HSPG2: variants seen among roughly 807,000 people sequenced by gnomAD.
HSPG2 encodes the protein heparan sulfate proteoglycan 2.
A neutral mutation model predicts 526.6 loss-of-function variants in HSPG2; 278 were observed. The ratio of observed to expected loss-of-function variants is 0.53; its 90% CI spans 0.48 to 0.58. The LOEUF is 0.58. Ranked by LOEUF, HSPG2 falls within the 20% of genes least tolerant of loss-of-function variation. The pLI, the probability that HSPG2 is intolerant of heterozygous loss-of-function variation, is 0.00. For missense variants in HSPG2, 5,354 were observed against 6,099.5 expected, an observed-to-expected ratio of 0.88 and a Z score of 4.07; for synonymous variants, 2,465 against 2,555.4, an observed-to-expected ratio of 0.96 and a Z score of 1.07.
Position 21,895,942 on chromosome 1 carries a change from C to T in HSPG2, c.224G>A (p.Gly75Asp). The T allele has an allele frequency of 6.2e-7, 1 of 1,614,056 alleles. No homozygotes were observed. The highest frequency in any genetic ancestry group is 8.5e-7 in the Non-Finnish European group (1 of 1,179,936). Residue 75 changes from glycine (G) to aspartate (D), a missense_variant, in exon 3 of 97, where the codon GGC (glycine) becomes GAC (aspartate). By Grantham distance (94) the Gly-to-Asp change is moderately conservative (BLOSUM62 -1). Coordinates refer to ENST00000374695, the MANE Select transcript of HSPG2 (RefSeq NM_005529.7). This position sits in a 1 kb window ranked among gnomAD's most constrained non-coding sequence, Gnocchi z 4.1. The stretch of plus-strand genomic sequence containing the variant: ...CTTACCCATCTGGAAGTCCCCGCTG[C>T]CCAGGTCCCCACTGCCCAGGTCGTC... ...SGDDLGSGDLGSGDFQMVYFR... is the reference protein window; with the variant it reads ...SGDDLGSGDLDSGDFQMVYFR...
chr1:21,823,478 A>G lies in HSPG2; in HGVS notation c.13014T>C (p.Pro4338=). 1 of 1,600,562 alleles carries G rather than the reference A, an allele frequency of 6.2e-7. No individual in the cohort carries two copies. The highest frequency in any genetic ancestry group is 8.5e-7 in the Non-Finnish European group (1 of 1,177,492). ...TGCCCCCGGTCAGCGTGGCCACGTC[A>G]GGGGCTCCGCCTGCCGGGAGGTGAG... ...AKGSVYIGGA[P]DVATLTGGRF... The change falls in exon 97 of 97, where the codon CCT becomes CCC. Residue 4338 remains proline (P), a synonymous_variant. Coordinates refer to ENST00000374695, the MANE Select transcript of HSPG2 (RefSeq NM_005529.7).
Position 21,891,165 on chromosome 1 carries a change from C to A in HSPG2, c.245-471G>T, listed in dbSNP as rs188981261. ...CTGGGGTAGAGACCGCTCCCCTGGG[C>A]TCCCACAGTGCCCTGCTTTCCCTAG... On this transcript the variant is annotated intron_variant, in intron 3 of 96. Transcript: ENST00000374695. Among the ~76,000 whole-genome samples the A allele has an allele frequency of 2.7e-3, 412 of 152,338 alleles. 2 individuals are homozygous for A. Among genetic ancestry groups the A allele is most frequent in the African/African-American group, 9.3e-3 (388 of 41,566 alleles).
rs371867407 is a variant in HSPG2 at position 21,895,819 on chromosome 1, T to C, written c.244+103A>G. On this transcript the variant is annotated intron_variant, in intron 3 of 96. Transcript: ENST00000374695. This position sits in a 1 kb window ranked among gnomAD's most constrained non-coding sequence, Gnocchi z 4.1. ...AGATCACACCCACTTCTTCTTGCTTTGTACCCCAGGGCAGGCCCAAGGAGC... is the reference window on the plus strand; with the variant it reads ...AGATCACACCCACTTCTTCTTGCTTCGTACCCCAGGGCAGGCCCAAGGAGC... 9.5e-7 allele frequency: 1 copy of C among 1,047,574 alleles called. No individual in the cohort carries two copies. The highest frequency in any genetic ancestry group is 1.8e-5 in the Admixed American group (1 of 56,512). 64.9% of individuals were successfully genotyped at this position (1,047,574 alleles called of 1,614,324 possible).
In HSPG2 at chr1:21,861,742, T is replaced by C. The variant is rs1364085356; in HGVS notation, c.4955+15A>G. Reference sequence around the variant, plus strand: ...TTGTCCTCCACCCTCCCCCTACTTCTGTTTACAAACTTACTGCTCACAGTA... The same window carrying C: ...TTGTCCTCCACCCTCCCCCTACTTCCGTTTACAAACTTACTGCTCACAGTA... On this transcript the variant is annotated intron_variant, in intron 39 of 96. Transcript: ENST00000374695. 3 of 1,613,042 alleles carry C rather than the reference T, an allele frequency of 1.9e-6. No homozygotes were observed. Among genetic ancestry groups the C allele is most frequent in the East Asian group, 4.5e-5 (2 of 44,878 alleles).
intron 1 of HSPG2, among the ~76,000 whole-genome samples, chr1:21,896,705 A>G (rs886463656): frequency 6.6e-6 from 1 of 152,108 alleles, no homozygotes; most frequent in African/African-American, 2.4e-5. Flanking sequence ...GGGCACAGGC[A>G]GGTGGAAGGC....
At chr1:21,862,301 G>A (rs890190875) in intron 37 of HSPG2, among the ~76,000 whole-genome samples, 186 bp from the exon 38 acceptor site, 3 of 152,138 alleles carry the variant, frequency 2.0e-5, no homozygotes, top group Admixed American at 2.0e-4. Context: ...AAAGCAAAAT[G>A]GGCTGGGCAC....
Position 21,890,249 on chromosome 1 carries a change from T to C in HSPG2, c.414-108A>G. On this transcript the variant is annotated intron_variant, in intron 5 of 96. Coordinates refer to ENST00000374695, the MANE Select transcript of HSPG2 (RefSeq NM_005529.7). This position sits in a 1 kb window ranked among gnomAD's most constrained non-coding sequence, Gnocchi z 4.1. ...TCAGGCCCTGTTCCGGGACAGCCTGTACCCAAAGAAGGGCAACTAAAGGTC... is the reference window on the plus strand; with the variant it reads ...TCAGGCCCTGTTCCGGGACAGCCTGCACCCAAAGAAGGGCAACTAAAGGTC... 7.0e-7 allele frequency: 1 copy of C among 1,438,342 alleles called. No individual in the cohort carries two copies. Among genetic ancestry groups the C allele is most frequent in the Non-Finnish European group, 9.7e-7 (1 of 1,026,116 alleles). 89.1% of individuals were successfully genotyped at this position (1,438,342 alleles called of 1,614,324 possible).
intron 6 of HSPG2, chr1:21,888,559 G>T: frequency 1.5e-6 from 1 of 682,806 alleles, no homozygotes; most frequent in Non-Finnish European, 2.1e-6. Context: ...TCCCGTCTTG[G>T]CCTCCCAAAG....
intron 50 of HSPG2, 99 bp from the exon 51 acceptor site, chr1:21,853,169 C>A: frequency 2.0e-6 from 3 of 1,537,816 alleles, no homozygotes; most frequent in South Asian, 1.2e-5. Context: ...CTAGTGGGGA[C>A]GGCCGACAGG....
chr1:21,884,417 C>T (rs1018539964), intron 13 of HSPG2, 111 bp downstream of exon 13: 20 of 1,421,594 alleles, frequency 1.4e-5, no homozygotes, highest in Non-Finnish European at 1.8e-5. Flanking sequence ...CAGCGACTCA[C>T]ATTCCTTCCC....
In HSPG2 at chr1:21,872,573, G is replaced by A. The variant is rs2152744695; in HGVS notation, c.4029+47C>T. 6.4e-7 allele frequency: 1 copy of A among 1,557,070 alleles called. No homozygotes were observed. The highest frequency in any genetic ancestry group is 8.7e-7 in the Non-Finnish European group (1 of 1,150,496). ...TCAGTGCTCAGATGGACAGTAACAG[G>A]CAGCAGGTGGCAACACCGCCTGGGG... is the stretch of plus-strand genomic sequence containing the variant. On this transcript the variant is annotated intron_variant, in intron 32 of 96. Coordinates refer to ENST00000374695, the MANE Select transcript of HSPG2 (RefSeq NM_005529.7). This position sits in a 1 kb window ranked among gnomAD's most constrained non-coding sequence, Gnocchi z 5.5.
intron 1 of HSPG2, among the ~76,000 whole-genome samples, chr1:21,921,789 G>T (rs1644045763): frequency 6.6e-6 from 1 of 152,178 alleles, no homozygotes; most frequent in Admixed American, 6.5e-5. Flanking sequence ...GCAGTGGAGA[G>T]GGAAAGCTTG....
chr1:21,874,096 A>G (rs528575487), intron 28 of HSPG2, 85 bp from the exon 29 acceptor site: 2 of 1,242,550 alleles, frequency 1.6e-6, no homozygotes, highest in African/African-American at 1.5e-5. Flanking sequence ...GGGAGAGGGG[A>G]GGGGAAGAAC....
At chr1:21,855,270 G>C in intron 47 of HSPG2, 34 bp downstream of exon 47, 1 of 1,585,312 alleles carries the variant, frequency 6.3e-7, no homozygotes, top group Non-Finnish European at 8.6e-7. Flanking sequence ...AGAGCCTGTG[G>C]GCCTCCTCCT....
At chr1:21,889,960 C>G (rs1394702533) in intron 6 of HSPG2, 21 bp downstream of exon 6, 2 of 1,613,852 alleles carry the variant, frequency 1.2e-6, no homozygotes, top group Non-Finnish European at 1.7e-6. Flanking sequence ...GAGGCGATCC[C>G]AGACACCAGG....
Position 21,841,093 on chromosome 1 carries a change from G to A in HSPG2, c.9513+8C>T, listed in dbSNP as rs748232038. On this transcript the variant is annotated splice_region_variant and intron_variant, in intron 71 of 96. Coordinates refer to ENST00000374695, the MANE Select transcript of HSPG2 (RefSeq NM_005529.7). ...GCCTCAGACCCAGAGAGGCAGCCCC[G>A]GCTTCACCTGCAGCACCGCGTGGCT... 12 of 1,592,304 alleles carry A rather than the reference G, an allele frequency of 7.5e-6. No homozygotes were observed. The highest frequency in any genetic ancestry group is 1.8e-5 in the Admixed American group (1 of 56,308).
intron 1 of HSPG2, among the ~76,000 whole-genome samples, chr1:21,911,315 G>C (rs1643672220): frequency 6.6e-6 from 1 of 152,220 alleles, no homozygotes; most frequent in South Asian, 2.1e-4. Flanking sequence ...CTCCACAGCT[G>C]CTGACAACAG....
intron 64 of HSPG2, among the ~76,000 whole-genome samples, chr1:21,844,717 A>G (rs949880965): frequency 1.3e-5 from 2 of 152,200 alleles, no homozygotes; most frequent in Admixed American, 6.5e-5. Flanking sequence ...CACCTCTCTG[A>G]GTCTCAGTTT....
chr1:21,874,509 G>C lies in HSPG2; in HGVS notation c.3553C>G (p.Pro1185Ala). 1 of 1,613,450 alleles carries C rather than the reference G, an allele frequency of 6.2e-7. No homozygotes were observed. The highest frequency in any genetic ancestry group is 8.5e-7 in the Non-Finnish European group (1 of 1,179,966). Residue 1185 changes from proline to alanine, a missense_variant, in exon 28 of 97, where the codon CCT becomes GCT. Physicochemically the swap from Pro to Ala is conservative, Grantham distance 27. Coordinates refer to ENST00000374695, the MANE Select transcript of HSPG2 (RefSeq NM_005529.7). Reference protein sequence around the residue: ...CQGCQHHTEGPRCEQCQPGYY... With the variant: ...CQGCQHHTEGARCEQCQPGYY... ...CCTGGCTGGCACTGCTCACACCGAG[G>C]GCCCTCCGTGTGATGCTGGCAGCCC...
Sources: gnomAD v4.1 joint callset for allele counts (sites outside exome capture counted in the v4.1 genomes callset) on GRCh38, gnomAD v4.1.1 for gene constraint, Gnocchi (gnomAD v3.1) non-coding constraint, MANE v1.5 for transcripts, NCBI Gene and HGNC (gene_info 2026-07-23, HGNC 2026-07-21) for gene names.